CLDN5: variants seen among roughly 807,000 people sequenced by gnomAD.
The protein encoded by CLDN5 is claudin-5.
CLDN5 carries 4 observed loss-of-function variants against 1.3 expected under a neutral mutation model. That is an observed-to-expected ratio of 3.07 (90% CI 1.51 to 7.03). The LOEUF (loss-of-function observed/expected upper bound fraction) is 7.03, where lower values mean the gene tolerates loss of function less well. Ranked by LOEUF, CLDN5 falls within the 30% of genes most tolerant of loss-of-function variation. The pLI is 0.00. For synonymous variants in CLDN5, 156 were observed against 152.3 expected (o/e 1.02, Z -0.18); for missense variants, 225 against 303.5 (o/e 0.74, Z 1.92).
At chr22:19,525,325 A>T (rs1934206609), upstream of CLDN5, 4 of 998,738 alleles carry the variant, frequency 4.0e-6, no homozygotes, top group African/African-American at 7.0e-5. Context: ...TCTGGCCTTC[A>T]GACAGGAGAG....
In CLDN5 at chr22:19,524,172, G is replaced by A. The variant is rs930257038; in HGVS notation, c.84C>T (p.Pro28=). The change falls in exon 1 of 1, where the codon CCC becomes CCT. Residue 28 remains proline (P), a synonymous_variant. Transcript: ENST00000618236. ...CCAGGAAGGCGGTCACCTGCCACAT[G>A]GGCAGCCCGCACGCCAGGATCAGAC... ...WGGLILACGL[P]MWQVTAFLDH... 18 of 1,610,924 alleles carry A rather than the reference G, an allele frequency of 1.1e-5. No homozygotes were observed. The highest frequency in any genetic ancestry group is 1.5e-5 in the Non-Finnish European group (18 of 1,179,294).
chr22:19,524,707 G>A (rs575617372), upstream of CLDN5: 38 of 1,300,360 alleles, frequency 2.9e-5, 1 homozygote, highest in African/African-American at 5.4e-4. Context: ...GCGCGTCCCG[G>A]CCCCGTCACT....
chr22:19,524,273 G>T lies in CLDN5; in HGVS notation c.-18C>A, dbSNP rs1310031727. The T allele has an allele frequency of 1.3e-6, 2 of 1,553,780 alleles. No individual in the cohort carries two copies. The highest frequency in any genetic ancestry group is 2.4e-5 in the South Asian group (2 of 84,926). On this transcript the variant is annotated 5_prime_UTR_variant, in exon 1 of 1. Transcript: ENST00000618236. ...GACCCCATGGCTAGAGGCGAGACGC[G>T]CACCCGAAGGCCCGCAGAACCCCCA...
chr22:19,524,071 A>C lies in CLDN5; in HGVS notation c.185T>G (p.Met62Arg), dbSNP rs2146465939. 4 of 1,605,014 alleles carry C rather than the reference A, an allele frequency of 2.5e-6. No individual in the cohort carries two copies. The highest frequency in any genetic ancestry group is 2.5e-6 in the Non-Finnish European group (3 of 1,179,540). ...MSCVVQSTGHMQCKVYDSVLA... is the reference protein window; with the variant it reads ...MSCVVQSTGHRQCKVYDSVLA... ...CACCGAGTCGTACACTTTGCACTGCATGTGCCCGGTGCTCTGCACCACGCA... is the reference window on the plus strand; with the variant it reads ...CACCGAGTCGTACACTTTGCACTGCCTGTGCCCGGTGCTCTGCACCACGCA... The change falls in exon 1 of 1, where the codon ATG becomes AGG. Residue 62 changes from methionine to arginine, a missense_variant. Physicochemically the swap from Met to Arg is moderately conservative, Grantham distance 91. Around this residue, in one of 3 missense-constraint regions of CLDN5, gnomAD observed 19 missense variants for 51.1 expected, o/e 0.37. Transcript: ENST00000618236.
Position 19,524,324 on chromosome 22 carries a change from C to A in CLDN5, c.-69G>T. 2 of 1,509,134 alleles carry A rather than the reference C, an allele frequency of 1.3e-6. No homozygotes were observed. Among genetic ancestry groups the A allele is most frequent in the Non-Finnish European group, 1.8e-6 (2 of 1,127,764 alleles). The allele number at this position is 1,509,134 out of a possible 1,614,324, so 93.5% of individuals were successfully genotyped here. A position where few individuals can be genotyped will look rare whatever the true frequency, so the allele number is the denominator to read the frequency against. ...AGGCCGTGCTGCGCGGCGCCCTGGG[C>A]GGGCCCTGGTGCCTTTGCGCCCGCG... On this transcript the variant is annotated 5_prime_UTR_variant, in exon 1 of 1. Coordinates refer to ENST00000618236, the MANE Select transcript of CLDN5 (RefSeq NM_001363066.2).
Position 19,523,640 on chromosome 22 carries a change from G to A in CLDN5, c.616C>T (p.Pro206Ser). ...TTGTCGTAGTCGCCGGTGGCCGTGG[G>A]CCGCCGCGGCGCTGAGTACTTCACG... is the stretch of plus-strand genomic sequence containing the variant. ...FPVKYSAPRR[P>S]TATGDYDKKN... Residue 206 changes from proline to serine, a missense_variant, in exon 1 of 1, where the codon CCC becomes TCC. Physicochemically the swap from Pro to Ser is moderately conservative, Grantham distance 74. Coordinates refer to ENST00000618236, the MANE Select transcript of CLDN5 (RefSeq NM_001363066.2). 6.2e-7 allele frequency: 1 copy of A among 1,600,918 alleles called. No individual in the cohort carries two copies. Among genetic ancestry groups the A allele is most frequent in the Admixed American group, 1.7e-5 (1 of 59,606 alleles).
rs746757089 is a variant in CLDN5 at position 19,524,252 on chromosome 22, C to T, written c.4G>A (p.Gly2Arg). The T allele has an allele frequency of 1.3e-6, 2 of 1,574,972 alleles. No homozygotes were observed. Among genetic ancestry groups the T allele is most frequent in the Non-Finnish European group, 1.7e-6 (2 of 1,161,000 alleles). The change falls in exon 1 of 1, where the codon GGG becomes AGG. Residue 2 changes from glycine to arginine, a missense_variant. Physicochemically the swap from Gly to Arg is moderately radical, Grantham distance 125 (BLOSUM62 -2). Transcript: ENST00000618236. M[G>R]SAALEILGLV... is the part of the protein sequence containing the mutation. ...CCCAGGATCTCCAACGCTGCGGACC[C>T]CATGGCTAGAGGCGAGACGCGCACC...
At position 19,523,461 on chromosome 22, in the gene CLDN5, G is replaced by C; in HGVS notation, c.*138C>G. Reference sequence around the variant, plus strand: ...AGGAGCGGATCCAGGAGCCGCGTCGGGGCGCAGAGCCGGACGTTCCGAGGA... The same window carrying C: ...AGGAGCGGATCCAGGAGCCGCGTCGCGGCGCAGAGCCGGACGTTCCGAGGA... On this transcript the variant is annotated 3_prime_UTR_variant, in exon 1 of 1. Coordinates refer to ENST00000618236, the MANE Select transcript of CLDN5 (RefSeq NM_001363066.2). The C allele has an allele frequency of 8.0e-7, 1 of 1,247,868 alleles. No individual in the cohort carries two copies. Among genetic ancestry groups the C allele is most frequent in the Middle Eastern group, 2.8e-4 (1 of 3,532 alleles). 77.3% of individuals were successfully genotyped at this position (1,247,868 alleles called of 1,614,324 possible).
chr22:19,525,159 C>T, upstream of CLDN5: 7 of 1,000,554 alleles, frequency 7.0e-6, no homozygotes, highest in Non-Finnish European at 8.4e-6. Context: ...CCAGACCTCT[C>T]AATCTTCACA....
chr22:19,524,819 C>T, upstream of CLDN5: 1 of 1,196,742 alleles, frequency 8.4e-7, no homozygotes, highest in South Asian at 4.3e-5. Flanking sequence ...ACTTCCCTGA[C>T]CAAGGTTTGC....
At position 19,523,995 on chromosome 22, in the gene CLDN5, G is replaced by A; in HGVS notation, c.261C>T (p.Ala87=). 6.3e-7 allele frequency: 1 copy of A among 1,589,160 alleles called. No homozygotes were observed. Among genetic ancestry groups the A allele is most frequent in the South Asian group, 1.1e-5 (1 of 89,836 alleles). ...AGAGCGCAACGAACGCCAGCAGCAC[G>A]GCGCTCACGGTGAGCGCCCGCGCCG... is the stretch of plus-strand genomic sequence containing the variant. ...VQAARALTVS[A]VLLAFVALFV... Residue 87 remains alanine (A), a synonymous_variant, in exon 1 of 1, where the codon GCC becomes GCT. Coordinates refer to ENST00000618236, the MANE Select transcript of CLDN5 (RefSeq NM_001363066.2).
rs1236648463 is a variant in CLDN5 at position 19,523,636 on chromosome 22, G to A, written c.620C>T (p.Thr207Met). Residue 207 changes from threonine to methionine, a missense_variant, in exon 1 of 1, where the codon ACG becomes ATG. By Grantham distance (81) the Thr-to-Met change is moderately conservative. Transcript: ENST00000618236. ...CTTCTTGTCGTAGTCGCCGGTGGCC[G>A]TGGGCCGCCGCGGCGCTGAGTACTT... ...PVKYSAPRRP[T>M]ATGDYDKKNY... 6.2e-7 allele frequency: 1 copy of A among 1,600,024 alleles called. No individual in the cohort carries two copies. The highest frequency in any genetic ancestry group is 8.5e-7 in the Non-Finnish European group (1 of 1,175,630).
In CLDN5 at chr22:19,523,634, C is replaced by T; in HGVS notation, c.622G>A (p.Ala208Thr). 1 of 1,600,254 alleles carries T rather than the reference C, an allele frequency of 6.2e-7. No individual in the cohort carries two copies. ...VKYSAPRRPT[A>T]TGDYDKKNYV ...TTCTTCTTGTCGTAGTCGCCGGTGG[C>T]CGTGGGCCGCCGCGGCGCTGAGTAC... The change falls in exon 1 of 1, where the codon GCC (alanine) becomes ACC (threonine). Residue 208 changes from alanine to threonine, a missense_variant. This residue lies in a region of CLDN5 where 165 missense variants were observed against 211.9 expected (regional missense o/e 0.78). Coordinates refer to ENST00000618236, the MANE Select transcript of CLDN5 (RefSeq NM_001363066.2).
In CLDN5 at chr22:19,523,551, G is replaced by C; in HGVS notation, c.*48C>G. On this transcript the variant is annotated 3_prime_UTR_variant, in exon 1 of 1. Transcript: ENST00000618236. ...GCGGGGCTCCCCAGGCTTATCCAAC[G>C]CCTCGCAGGCGTGGCTGGCAGGAGG... The C allele has an allele frequency of 6.6e-7, 1 of 1,512,770 alleles. No homozygotes were observed. Among genetic ancestry groups the C allele is most frequent in the South Asian group, 1.3e-5 (1 of 76,416 alleles). The allele number at this position is 1,512,770 out of a possible 1,614,324, so 93.7% of individuals were successfully genotyped here. A position where few individuals can be genotyped will look rare whatever the true frequency, so the allele number is the denominator to read the frequency against.
chr22:19,523,744 G>C lies in CLDN5; in HGVS notation c.512C>G (p.Thr171Ser), dbSNP rs1233918177. Residue 171 changes from threonine to serine, a missense_variant, in exon 1 of 1, where the codon ACC (threonine) becomes AGC (serine). Coordinates refer to ENST00000618236, the MANE Select transcript of CLDN5 (RefSeq NM_001363066.2). ...GCAGCCGCCTACCATGAGCAGCGCG[G>C]TGGCCGCCCAGCCGATGTACAGCGC... Reference protein sequence around the residue: ...GAALYIGWAATALLMVGGCLL... With the variant: ...GAALYIGWAASALLMVGGCLL... The C allele has an allele frequency of 3.7e-6, 6 of 1,604,966 alleles. No individual in the cohort carries two copies. Among genetic ancestry groups the C allele is most frequent in the Non-Finnish European group, 3.4e-6 (4 of 1,177,202 alleles).
In CLDN5 at chr22:19,523,978, A is replaced by G. The variant is rs751634461; in HGVS notation, c.278T>C (p.Val93Ala). The change falls in exon 1 of 1, where the codon GTT (valine) becomes GCT (alanine). Residue 93 changes from valine to alanine, a missense_variant. By Grantham distance (64) the Val-to-Ala change is moderately conservative. This residue lies in a region of CLDN5 where 165 missense variants were observed against 211.9 expected (regional missense o/e 0.78). Coordinates refer to ENST00000618236, the MANE Select transcript of CLDN5 (RefSeq NM_001363066.2). ...GCCCGCCAGGGTCACGAAGAGCGCA[A>G]CGAACGCCAGCAGCACGGCGCTCAC... ...LTVSAVLLAFVALFVTLAGAQ... is the reference protein window; with the variant it reads ...LTVSAVLLAFAALFVTLAGAQ... 1.9e-6 allele frequency: 3 copies of G among 1,588,578 alleles called. No individual in the cohort carries two copies. The highest frequency in any genetic ancestry group is 2.6e-6 in the Non-Finnish European group (3 of 1,173,486).
Position 19,524,262 on chromosome 22 carries a change from AG to A in CLDN5, c.-8del, listed in dbSNP as rs1208370444. 6.4e-7 allele frequency: 1 copy of A among 1,564,268 alleles called. No homozygotes were observed. The highest frequency in any genetic ancestry group is 1.4e-5 in the African/African-American group (1 of 73,414). On this transcript the variant is annotated 5_prime_UTR_variant, in exon 1 of 1. Coordinates refer to ENST00000618236, the MANE Select transcript of CLDN5 (RefSeq NM_001363066.2). ...CCAACGCTGCGGACCCCATGGCTAG[AG>A]GCGAGACGCGCACCCGAAGGCCCGC... is the stretch of plus-strand genomic sequence containing the variant.
Position 19,523,297 on chromosome 22 carries a change from T to G in CLDN5, c.*302A>C. Reference sequence around the variant, plus strand: ...GCAGCAGCCAAGACCCCCAGCGTCTTGGAGGGGAAGCGAAATCCTCAGTCT... The same window carrying G: ...GCAGCAGCCAAGACCCCCAGCGTCTGGGAGGGGAAGCGAAATCCTCAGTCT... On this transcript the variant is annotated 3_prime_UTR_variant, in exon 1 of 1. Transcript: ENST00000618236. 2.7e-6 allele frequency: 1 copy of G among 373,790 alleles called. No individual in the cohort carries two copies. Among genetic ancestry groups the G allele is most frequent in the Non-Finnish European group, 4.8e-6 (1 of 208,958 alleles). 23.2% of individuals were successfully genotyped at this position (373,790 alleles called of 1,614,324 possible). A position where few individuals can be genotyped will look rare whatever the true frequency, so the allele number is the denominator to read the frequency against.
chr22:19,524,463 C>T (rs146990239), upstream of CLDN5: 246 of 1,431,582 alleles, frequency 1.7e-4, no homozygotes, highest in African/African-American at 3.4e-3. Context: ...ATTCTGTCCC[C>T]CGGGCCCGGC....
Sources: allele counts gnomAD v4.1 joint callset, GRCh38; gene constraint gnomAD v4.1.1; regional missense constraint gnomAD v4.1.1; transcripts MANE v1.5; gene names NCBI Gene and HGNC (gene_info 2026-07-23, HGNC 2026-07-21).